Variants in TFCP2L1 observed in about 807,000 individuals in gnomAD.
TFCP2L1 encodes the protein transcription factor CP2 like 1.
TFCP2L1 carries 12 observed loss-of-function variants against 72.2 expected under a neutral mutation model. The observed-to-expected ratio is 0.17, with a 90% CI of 0.11 to 0.27. TFCP2L1 has a LOEUF of 0.27. TFCP2L1 is among the 10% of genes least tolerant of loss of function. The pLI, the probability that TFCP2L1 is intolerant of heterozygous loss-of-function variation, is 1.00. For synonymous variants in TFCP2L1, 260 were observed against 251.0 expected (o/e 1.04, Z -0.34); for missense variants, 488 against 624.6 (o/e 0.78, Z 2.33).
intron 7 of TFCP2L1, chr2:121,240,835 G>C (rs374823578): frequency 1.3e-6 from 1 of 756,924 alleles, no homozygotes. Flanking sequence ...TGCGGGCCGT[G>C]GGGGAGGCAG....
At chr2:121,250,165 A>G (rs1224500359) in intron 2 of TFCP2L1, among the ~76,000 whole-genome samples, 1 of 152,222 alleles carries the variant, frequency 6.6e-6, no homozygotes, top group African/African-American at 2.4e-5. Flanking sequence ...GGGTATGGAA[A>G]TTATATTCAG....
At chr2:121,261,032 C>T (rs1303792604) in intron 2 of TFCP2L1, among the ~76,000 whole-genome samples, 1 of 152,220 alleles carries the variant, frequency 6.6e-6, no homozygotes, top group Non-Finnish European at 1.5e-5. Flanking sequence ...CAATCCTGAA[C>T]TCATCGTGCC....
Position 121,247,048 on chromosome 2 carries a change from T to A in TFCP2L1, c.505-78A>T. The A allele has an allele frequency of 2.6e-6, 4 of 1,552,924 alleles. No individual in the cohort carries two copies. The East Asian group carries it at 7.0e-5, about 27-fold the overall frequency. ...CTGGATCCCCCAAGCGCCCCCTCTATTGGAGGTGTCCTTCCCTGCTTGGTC... is the reference window on the plus strand; with the variant it reads ...CTGGATCCCCCAAGCGCCCCCTCTAATGGAGGTGTCCTTCCCTGCTTGGTC... On this transcript the variant is annotated intron_variant, in intron 5 of 14. Transcript: ENST00000263707.
At chr2:121,267,587 G>A (rs200581298) in intron 2 of TFCP2L1, among the ~76,000 whole-genome samples, 5 of 151,410 alleles carry the variant, frequency 3.3e-5, no homozygotes, top group Admixed American at 6.6e-5. Context: ...TCCGCCTCCC[G>A]GATACAAGCG....
chr2:121,272,569 C>A (rs1455262430), intron 2 of TFCP2L1, among the ~76,000 whole-genome samples: 1 of 152,210 alleles, frequency 6.6e-6, no homozygotes, highest in Non-Finnish European at 1.5e-5. Context: ...CAGTTCTTAG[C>A]TTTAGAGCCA....
chr2:121,222,815 C>T lies in TFCP2L1; in HGVS notation c.*1526G>A, dbSNP rs1349860867. 1.2e-5 allele frequency: 1 copy of T among 83,346 alleles called. No individual in the cohort carries two copies. The highest frequency in any genetic ancestry group is 3.3e-5 in the Non-Finnish European group (1 of 30,498). The allele number at this position is 83,346 out of a possible 1,614,324, so 5.2% of individuals were successfully genotyped here. On this transcript the variant is annotated 3_prime_UTR_variant, in exon 15 of 15. Coordinates refer to ENST00000263707, the MANE Select transcript of TFCP2L1 (RefSeq NM_014553.3). ...CATCTCAATAAAGCTGTTAGTTAAC[C>T]CACTCCCCGCTTCTCCTCTAAAGAA...
intron 8 of TFCP2L1, among the ~76,000 whole-genome samples, chr2:121,238,343 C>T (rs1357310684): frequency 1.3e-5 from 2 of 152,166 alleles, no homozygotes; most frequent in African/African-American, 2.4e-5. Context: ...AACAAGCACC[C>T]GCAGCTTGAC....
At chr2:121,254,070 C>G (rs563286305) in intron 2 of TFCP2L1, among the ~76,000 whole-genome samples, 7 of 152,316 alleles carry the variant, frequency 4.6e-5, no homozygotes, top group Admixed American at 3.9e-4. Context: ...GACATCACTG[C>G]TGGGCGTGGG....
At chr2:121,226,849 G>GC (rs759258816) in intron 13 of TFCP2L1, among the ~76,000 whole-genome samples, 2 of 152,226 alleles carry the variant, frequency 1.3e-5, no homozygotes, top group Non-Finnish European at 2.9e-5. Context: ...GAATGACCAT[G>GC]CATTTCCAAC....
chr2:121,281,362 C>G, intron 1 of TFCP2L1, 91 bp from the exon 2 acceptor site: 1 of 1,451,212 alleles, frequency 6.9e-7, no homozygotes, highest in Non-Finnish European at 9.2e-7. Flanking sequence ...ACGCAGACCA[C>G]CGGGGCCCAG....
chr2:121,228,772 CAAA>C (rs59300568), intron 13 of TFCP2L1, among the ~76,000 whole-genome samples: 1,019 of 58,074 alleles, frequency 0.018, 4 homozygotes, highest in African/African-American at 0.073. Context: ...CCGTGACTCA[CAAA>C]AAAAAAAAAA....
chr2:121,282,941 C>G (rs889857673), intron 1 of TFCP2L1, among the ~76,000 whole-genome samples: 1 of 152,154 alleles, frequency 6.6e-6, no homozygotes, highest in Non-Finnish European at 1.5e-5. Context: ...CATCCACTGC[C>G]GAAAAATAAG....
At chr2:121,269,670 T>C (rs1687004174) in intron 2 of TFCP2L1, among the ~76,000 whole-genome samples, 1 of 151,684 alleles carries the variant, frequency 6.6e-6, no homozygotes, top group South Asian at 2.1e-4. Context: ...CCCAGCACTC[T>C]GGGAGGCTGC....
At chr2:121,270,155 T>C (rs1314388047) in intron 2 of TFCP2L1, among the ~76,000 whole-genome samples, 1 of 152,010 alleles carries the variant, frequency 6.6e-6, no homozygotes, top group Non-Finnish European at 1.5e-5. Flanking sequence ...AAGAAGACCC[T>C]ATATTTTCCC....
intron 6 of TFCP2L1, among the ~76,000 whole-genome samples, chr2:121,244,836 C>G (rs1236118560): frequency 6.6e-6 from 1 of 152,130 alleles, no homozygotes; most frequent in Non-Finnish European, 1.5e-5. Flanking sequence ...GAGGTGGTGG[C>G]CAGAGCGACA....
At chr2:121,249,744 C>T in intron 2 of TFCP2L1, 97 bp from the exon 3 acceptor site, 18 of 1,270,646 alleles carry the variant, frequency 1.4e-5, no homozygotes, top group Non-Finnish European at 1.9e-5. Context: ...AGTGCCCATC[C>T]AGGCCTCAAG....
At chr2:121,250,013 T>A (rs960641615) in intron 2 of TFCP2L1, among the ~76,000 whole-genome samples, 2 of 152,192 alleles carry the variant, frequency 1.3e-5, no homozygotes, top group African/African-American at 4.8e-5. Context: ...CACAGCTACT[T>A]AAGTTCACAT....
chr2:121,225,514 C>T lies in TFCP2L1; in HGVS notation c.1393+48G>A. 2.5e-6 allele frequency: 4 copies of T among 1,586,128 alleles called. No individual in the cohort carries two copies. In the East Asian group the frequency reaches 8.9e-5, roughly 35 times the overall value. The stretch of plus-strand genomic sequence containing the variant: ...GGCCCATCCTGCAGGCAGGCCCCAC[C>T]CTCTCACCTGCCCCCACAACTACCC... On this transcript the variant is annotated intron_variant, in intron 14 of 14. Coordinates refer to ENST00000263707, the MANE Select transcript of TFCP2L1 (RefSeq NM_014553.3).
intron 5 of TFCP2L1, among the ~76,000 whole-genome samples, chr2:121,247,506 T>C (rs1207201295): frequency 6.0e-5 from 9 of 150,246 alleles, no homozygotes; most frequent in Admixed American, 6.0e-4. Flanking sequence ...ACTGTAATAA[T>C]AACAATGTAA....
Sources: allele counts gnomAD v4.1 joint callset (sites outside exome capture counted in the v4.1 genomes callset), GRCh38; gene constraint gnomAD v4.1.1; transcripts MANE v1.5; gene names NCBI Gene and HGNC (gene_info 2026-07-23, HGNC 2026-07-21).